PSKH1: variants seen among roughly 807,000 people sequenced by gnomAD.
PSKH1 encodes the protein serine/threonine-protein kinase H1.
Under a neutral mutation model 26.7 loss-of-function variants are expected in PSKH1, and 12 were observed. The observed-to-expected ratio is 0.45, with a 90% confidence interval of 0.29 to 0.73. The LOEUF (loss-of-function observed/expected upper bound fraction) is 0.73, where lower values mean the gene tolerates loss of function less well. Ranked by LOEUF, PSKH1 falls within the 30% of genes least tolerant of loss-of-function variation. The probability of loss-of-function intolerance (pLI) is 0.11; values close to 1 mark genes in which losing one functional copy is unlikely to be tolerated. For synonymous variants in PSKH1, 213 were observed against 234.3 expected, an observed-to-expected ratio of 0.91 and a Z score of 0.83; for missense variants, 431 against 595.2, an observed-to-expected ratio of 0.72 and a Z score of 2.87.
Position 67,908,878 on chromosome 16 carries a change from C to T in PSKH1, c.129C>T (p.Asp43=), listed in dbSNP as rs765036352. The change falls in exon 2 of 3, where the codon GAC becomes GAT. Residue 43 remains aspartate (D), a synonymous_variant. Coordinates refer to ENST00000291041, the MANE Select transcript of PSKH1 (RefSeq NM_006742.3). ...ACAAGCACTTCATCACAGAGGTGGA[C>T]AGTGTTGGCCCTGTCAAAGCCGGGT... The part of the protein sequence containing the change: ...DVYKHFITEV[D]SVGPVKAGFP... The T allele has an allele frequency of 5.0e-6, 8 of 1,614,156 alleles. No individual in the cohort carries two copies. In the East Asian group the frequency reaches 1.8e-4, roughly 36 times the overall value.
At chr16:67,896,320 G>T (rs1182505302) in intron 1 of PSKH1, among the ~76,000 whole-genome samples, 2 of 151,854 alleles carry the variant, frequency 1.3e-5, no homozygotes. Context: ...TATTGCTCAG[G>T]CTGGTCTCAA....
intron 1 of PSKH1, among the ~76,000 whole-genome samples, chr16:67,901,299 T>A (rs1219329733): frequency 6.6e-6 from 1 of 152,164 alleles, no homozygotes; most frequent in African/African-American, 2.4e-5. Flanking sequence ...GGGAAAATCA[T>A]TGACTCTCTT....
chr16:67,915,280 T>C (rs2058184748), intron 2 of PSKH1, among the ~76,000 whole-genome samples: 1 of 151,548 alleles, frequency 6.6e-6, no homozygotes, highest in Non-Finnish European at 1.5e-5. Context: ...CCACTACCCT[T>C]TACCTGGAGC....
intron 2 of PSKH1, among the ~76,000 whole-genome samples, chr16:67,923,589 A>G (rs2058208905): frequency 6.6e-6 from 1 of 152,232 alleles, no homozygotes. Context: ...GAGCCAGCTG[A>G]CATCTTAGTG....
At chr16:67,902,019 G>A (rs1178249741) in intron 1 of PSKH1, among the ~76,000 whole-genome samples, 1 of 152,072 alleles carries the variant, frequency 6.6e-6, no homozygotes, top group Non-Finnish European at 1.5e-5. Context: ...CAACACTTTA[G>A]GAGGCGGAGG....
intron 1 of PSKH1, 118 bp downstream of exon 1, chr16:67,893,489 G>C (rs2058117473): frequency 6.6e-6 from 1 of 152,322 alleles, no homozygotes; most frequent in African/African-American, 2.4e-5. Flanking sequence ...GCGTCGGCCC[G>C]TGCCCCGTGC....
chr16:67,899,662 T>A (rs970726454), intron 1 of PSKH1, among the ~76,000 whole-genome samples: 7 of 150,242 alleles, frequency 4.7e-5, no homozygotes, highest in African/African-American at 9.9e-5. Flanking sequence ...TTATTTATTT[T>A]TTTGAGATGG....
chr16:67,923,061 G>T (rs992317661), intron 2 of PSKH1, among the ~76,000 whole-genome samples: 4 of 152,214 alleles, frequency 2.6e-5, no homozygotes, highest in Admixed American at 6.5e-5. Flanking sequence ...AAACGAAAAG[G>T]GTTGGTGCGG....
intron 2 of PSKH1, among the ~76,000 whole-genome samples, chr16:67,923,075 G>A (rs1276097496): frequency 6.6e-6 from 1 of 152,214 alleles, no homozygotes; most frequent in Non-Finnish European, 1.5e-5. Context: ...GGTGCGGGGG[G>A]TCCTCAGGCG....
intron 1 of PSKH1, among the ~76,000 whole-genome samples, chr16:67,904,416 G>A (rs893912764): frequency 6.6e-6 from 1 of 151,946 alleles, no homozygotes; most frequent in Non-Finnish European, 1.5e-5. Context: ...ATATTGGCCA[G>A]ACTGGTCTCG....
intron 2 of PSKH1, among the ~76,000 whole-genome samples, chr16:67,919,182 G>A (rs2058195451): frequency 1.3e-5 from 2 of 152,206 alleles, no homozygotes; most frequent in South Asian, 2.1e-4. Context: ...TGGAGGCAGG[G>A]AAGCGGGGAG....
intron 1 of PSKH1, among the ~76,000 whole-genome samples, chr16:67,897,940 C>T (rs1044185037): frequency 9.2e-5 from 14 of 152,076 alleles, no homozygotes; most frequent in Admixed American, 7.2e-4. Context: ...CTCTGCCTTC[C>T]GGGTTCATGC....
rs139681524 is a variant in PSKH1, at chr16:67,895,589, A to G, written c.-71+2218A>G. ...ACGCCCAGCTAATTTTTGTATTCTT[A>G]GTAGAGACGGGATTTCATCCTGTTG... On this transcript the variant is annotated intron_variant, in intron 1 of 2. Transcript: ENST00000291041. Among the ~76,000 whole-genome samples, 884 of 151,998 alleles carry G rather than the reference A, an allele frequency of 5.8e-3. 7 individuals carry two copies. The highest frequency in any genetic ancestry group is 0.021 in the African/African-American group (866 of 41,442).
At chr16:67,907,570 A>G (rs1275389251) in intron 1 of PSKH1, among the ~76,000 whole-genome samples, 1 of 152,072 alleles carries the variant, frequency 6.6e-6, no homozygotes, top group East Asian at 1.9e-4. Context: ...CCCGCCTCTG[A>G]CTCTTGAATG....
Position 67,909,285 on chromosome 16 carries a change from A to C in PSKH1, c.536A>C (p.Glu179Ala), listed in dbSNP as rs535771946. 6.2e-7 allele frequency: 1 copy of C among 1,613,788 alleles called. No homozygotes were observed. Among genetic ancestry groups the C allele is most frequent in the Admixed American group, 1.7e-5 (1 of 59,992 alleles). ...GTGATGGAGCTGGCCACTGGTGGAGAGCTCTTTGACCGCATCATTGCCAAG... is the reference window on the plus strand; with the variant it reads ...GTGATGGAGCTGGCCACTGGTGGAGCGCTCTTTGACCGCATCATTGCCAAG... ...YMVMELATGG[E>A]LFDRIIAKGS... Residue 179 changes from glutamate to alanine, a missense_variant, in exon 2 of 3, where the codon GAG (glutamate) becomes GCG (alanine). Coordinates refer to ENST00000291041, the MANE Select transcript of PSKH1 (RefSeq NM_006742.3). The surrounding 1 kb of genome is among the most constrained non-coding windows in gnomAD (Gnocchi z 7.8).
At chr16:67,902,478 G>A (rs951555824) in intron 1 of PSKH1, among the ~76,000 whole-genome samples, 1 of 151,888 alleles carries the variant, frequency 6.6e-6, no homozygotes, top group Non-Finnish European at 1.5e-5. Flanking sequence ...TGTATTTTTA[G>A]TAGAGACGGG....
intron 1 of PSKH1, among the ~76,000 whole-genome samples, chr16:67,902,698 A>G (rs999978470): frequency 6.6e-6 from 1 of 152,180 alleles, no homozygotes; most frequent in Admixed American, 6.5e-5. Context: ...GTGCCTGTAG[A>G]TGACTGTTTA....
rs1172396654 is a variant in PSKH1 at position 67,908,935 on chromosome 16, C to T, written c.186C>T (p.Cys62=). The change falls in exon 2 of 3, where the codon TGC becomes TGT. Residue 62 remains cysteine, a synonymous_variant. Coordinates refer to ENST00000291041, the MANE Select transcript of PSKH1 (RefSeq NM_006742.3). ...FPAASQYAHP[C]PGPPTAGHTE... is the part of the protein sequence containing the mutation. ...CAGCAAGTCAGTATGCACACCCCTGCCCCGGTCCCCCGACTGCTGGCCACA... is the reference window on the plus strand; with the variant it reads ...CAGCAAGTCAGTATGCACACCCCTGTCCCGGTCCCCCGACTGCTGGCCACA... The T allele has an allele frequency of 6.2e-7, 1 of 1,613,906 alleles. No individual in the cohort carries two copies.
chr16:67,920,130 C>T (rs1215598362), intron 2 of PSKH1, among the ~76,000 whole-genome samples: 2 of 152,182 alleles, frequency 1.3e-5, no homozygotes, highest in African/African-American at 4.8e-5. Context: ...CCTCCCTCTC[C>T]TGTCTTTTCA....
Sources: allele counts gnomAD v4.1 joint callset (sites outside exome capture counted in the v4.1 genomes callset), GRCh38; gene constraint gnomAD v4.1.1; non-coding constraint Gnocchi (gnomAD v3.1); transcripts MANE v1.5; gene names NCBI Gene and HGNC (gene_info 2026-07-23, HGNC 2026-07-21).